BRD4: variants seen among roughly 807,000 people sequenced by gnomAD.
The protein encoded by BRD4 is bromodomain containing 4.
BRD4 carries 16 observed loss-of-function variants against 142.1 expected under a neutral mutation model. The ratio of observed to expected loss-of-function variants is 0.11; its 90% CI spans 0.08 to 0.17. The LOEUF (loss-of-function observed/expected upper bound fraction) is 0.17. BRD4 is among the 10% of genes least tolerant of loss of function. The pLI, the probability that BRD4 is intolerant of heterozygous loss-of-function variation, is 1.00. For missense variants in BRD4, 1,424 were observed against 1,810.9 expected, an observed-to-expected ratio of 0.79 and a Z score of 3.88; for synonymous variants, 833 against 707.5, an observed-to-expected ratio of 1.18 and a Z score of -2.82.
At chr19:15,281,102 G>T (rs541874635) in intron 1 of BRD4, among the ~76,000 whole-genome samples, 1 of 152,250 alleles carries the variant, frequency 6.6e-6, no homozygotes, top group Non-Finnish European at 1.5e-5. Context: ...CAGGCAGCTG[G>T]TGAGAACAGC....
At chr19:15,261,858 G>A (rs1438262559) in intron 7 of BRD4, among the ~76,000 whole-genome samples, 1 of 152,100 alleles carries the variant, frequency 6.6e-6, no homozygotes, top group African/African-American at 2.4e-5. Context: ...AGCAGGTTGA[G>A]GCTACAGTAA....
intron 11 of BRD4, chr19:15,248,896 G>A: frequency 2.9e-6 from 1 of 344,266 alleles, no homozygotes; most frequent in Non-Finnish European, 5.4e-6. Flanking sequence ...ATGGGACAAA[G>A]AGAGAAAACA....
intron 1 of BRD4, among the ~76,000 whole-genome samples, chr19:15,276,619 T>A (rs2047649531): frequency 6.6e-6 from 1 of 152,146 alleles, no homozygotes; most frequent in African/African-American, 2.4e-5. Flanking sequence ...CACTTTTATC[T>A]TCCCAGCACA....
chr19:15,259,079 C>T (rs1457908003), intron 7 of BRD4, among the ~76,000 whole-genome samples: 3 of 151,932 alleles, frequency 2.0e-5, no homozygotes, highest in African/African-American at 4.8e-5. Context: ...CCTAGCCCTG[C>T]AGCACCCGGC....
intron 2 of BRD4, among the ~76,000 whole-genome samples, chr19:15,270,671 G>A (rs2047577339): frequency 6.6e-6 from 1 of 152,172 alleles, no homozygotes; most frequent in African/African-American, 2.4e-5. Flanking sequence ...GCCATGATAG[G>A]AGATCAAAAT....
chr19:15,278,543 CAAA>C (rs1235423521), intron 1 of BRD4, among the ~76,000 whole-genome samples: 10 of 74,886 alleles, frequency 1.3e-4, no homozygotes, highest in Admixed American at 1.8e-4. Context: ...CAACCCCCGC[CAAA>C]AAAAAAAAAA....
chr19:15,332,215 G>A (rs943660975), intron 1 of BRD4, 75 bp downstream of exon 1: 1 of 146,634 alleles, frequency 6.8e-6, no homozygotes, highest in African/African-American at 2.5e-5. Flanking sequence ...CGCAATGCAG[G>A]TTACGCGGAC....
chr19:15,276,729 T>G (rs1245651005), intron 1 of BRD4, among the ~76,000 whole-genome samples: 4 of 152,196 alleles, frequency 2.6e-5, no homozygotes, highest in African/African-American at 9.7e-5. Flanking sequence ...CACTCTCACA[T>G]GGATAATGTG....
chr19:15,240,140 TG>T, intron 14 of BRD4, 118 bp from the exon 15 acceptor site: 1 of 1,416,934 alleles, frequency 7.1e-7, no homozygotes, highest in Non-Finnish European at 9.3e-7. Flanking sequence ...GCCCAGGCCC[TG>T]GGACAAGGGT....
Position 15,305,951 on chromosome 19 carries a change from T to C in BRD4, c.-35+26339A>G, listed in dbSNP as rs560646332. On this transcript the variant is annotated intron_variant, in intron 1 of 19. Coordinates refer to ENST00000679869, the MANE Select transcript of BRD4 (RefSeq NM_001379291.1). ...TATGTTTTGGAGATGGCTTCTTTCC[T>C]TAAACCTCATGAACCAACCTCTGCT... Among the ~76,000 whole-genome samples, 5 of 152,362 alleles carry C rather than the reference T, an allele frequency of 3.3e-5. No homozygotes were observed. The East Asian group carries it at 9.6e-4, about 29-fold the overall frequency.
At chr19:15,248,894 AAG>A (rs769421646) in intron 11 of BRD4, 2 of 339,308 alleles carry the variant, frequency 5.9e-6, no homozygotes, top group Non-Finnish European at 1.1e-5. Flanking sequence ...GGATGGGACA[AAG>A]AGAGAAAACA....
At chr19:15,264,358 G>A (rs1370686760) in intron 6 of BRD4, 46 bp downstream of exon 6, 2 of 1,551,586 alleles carry the variant, frequency 1.3e-6, no homozygotes, top group East Asian at 4.5e-5. Context: ...GATGTGGAGG[G>A]ACAGCCTGCC....
intron 1 of BRD4, among the ~76,000 whole-genome samples, chr19:15,320,820 T>G (rs942573716): frequency 1.3e-5 from 2 of 152,260 alleles, no homozygotes; most frequent in Admixed American, 6.5e-5. Flanking sequence ...TTCTACCCTT[T>G]GTGAGTAACT....
In BRD4 at chr19:15,243,198, G is replaced by A. The variant is rs945737077; in HGVS notation, c.2871C>T (p.Pro957=). The change falls in exon 14 of 20, where the codon CCC becomes CCT. Residue 957 remains proline, a synonymous_variant. Transcript: ENST00000679869. ...SVKVQSQPPP[P]LPPPPHPSVQ... ...CAGAGGGGTGGGGTGGGGGCGGCAGGGGGGGTGGGGGCTGGGACTGCACCT... is the reference window on the plus strand; with the variant it reads ...CAGAGGGGTGGGGTGGGGGCGGCAGAGGGGGTGGGGGCTGGGACTGCACCT... 3 of 1,168,928 alleles carry A rather than the reference G, an allele frequency of 2.6e-6. No individual in the cohort carries two copies. The highest frequency in any genetic ancestry group is 3.0e-4 in the Middle Eastern group (1 of 3,362). 72.4% of individuals were successfully genotyped at this position (1,168,928 alleles called of 1,614,324 possible). A position where few individuals can be genotyped will look rare whatever the true frequency, so the allele number is the denominator to read the frequency against.
At chr19:15,330,591 C>A (rs2048148491) in intron 1 of BRD4, among the ~76,000 whole-genome samples, 1 of 152,048 alleles carries the variant, frequency 6.6e-6, no homozygotes, top group African/African-American at 2.4e-5. Flanking sequence ...CATGGTGAAA[C>A]CCGCGTCTCT....
intron 1 of BRD4, among the ~76,000 whole-genome samples, chr19:15,323,042 T>A (rs1039451010): frequency 2.6e-5 from 4 of 151,318 alleles, no homozygotes; most frequent in African/African-American, 9.7e-5. Flanking sequence ...ACAGTGAGAC[T>A]CTGCCTCAAA....
At chr19:15,298,218 C>T (rs2047839255) in intron 1 of BRD4, among the ~76,000 whole-genome samples, 1 of 152,224 alleles carries the variant, frequency 6.6e-6, no homozygotes, top group Non-Finnish European at 1.5e-5. Context: ...AAACACTTAG[C>T]GTAAGCACTG....
intron 1 of BRD4, among the ~76,000 whole-genome samples, chr19:15,277,229 G>A (rs914246593): frequency 6.6e-6 from 1 of 152,102 alleles, no homozygotes; most frequent in Non-Finnish European, 1.5e-5. Context: ...CTACATAATC[G>A]AACTTGATGT....
At chr19:15,315,903 C>T (rs894287497) in intron 1 of BRD4, among the ~76,000 whole-genome samples, 4 of 151,834 alleles carry the variant, frequency 2.6e-5, no homozygotes, top group Middle Eastern at 3.4e-3. Flanking sequence ...TGCCTGTAAT[C>T]CTAGCACTTT....
Sources: gnomAD v4.1 joint callset for allele counts (sites outside exome capture counted in the v4.1 genomes callset) on GRCh38, gnomAD v4.1.1 for gene constraint, MANE v1.5 for transcripts, NCBI Gene and HGNC (gene_info 2026-07-23, HGNC 2026-07-21) for gene names.